Variants in LHX2 observed in about 807,000 individuals in gnomAD.
LHX2 encodes the protein LIM/homeobox protein Lhx2.
In LHX2, 6 loss-of-function variants were observed where a neutral mutation model predicts 33.0. The observed-to-expected ratio is 0.18, with a 90% CI of 0.10 to 0.36. The LOEUF (loss-of-function observed/expected upper bound fraction) is 0.36. Among genes scored for constraint, LHX2 ranks in the 10% least tolerant of loss-of-function variants. The pLI is 1.00. For synonymous variants in LHX2, 292 were observed against 253.1 expected (o/e 1.15, Z -1.46); for missense variants, 442 against 586.2 (o/e 0.75, Z 2.54).
chr9:124,021,319 G>C lies in LHX2; in HGVS notation c.933+15G>C. ...GGGTCCTCCAGGTCAGCCAGGGCCA[G>C]GGGTGAGGGCATCTGCGACCACCAG... On this transcript the variant is annotated intron_variant, in intron 4 of 4. Coordinates refer to ENST00000373615, the MANE Select transcript of LHX2 (RefSeq NM_004789.4). 6.2e-7 allele frequency: 1 copy of C among 1,610,914 alleles called. No individual in the cohort carries two copies. The highest frequency in any genetic ancestry group is 8.5e-7 in the Non-Finnish European group (1 of 1,179,350).
chr9:124,018,978 G>A (rs1225805718), intron 3 of LHX2, among the ~76,000 whole-genome samples: 1 of 152,226 alleles, frequency 6.6e-6, no homozygotes. Context: ...AGGCCCAGGC[G>A]GGGGCTCGGT....
In LHX2 at chr9:124,012,610, G is replaced by T. The variant is rs1337458782; in HGVS notation, c.120+142G>T. 1.9e-6 allele frequency: 2 copies of T among 1,054,548 alleles called. No homozygotes were observed. Among genetic ancestry groups the T allele is most frequent in the Non-Finnish European group, 2.5e-6 (2 of 795,346 alleles). The allele number at this position is 1,054,548 out of a possible 1,614,324, so 65.3% of individuals were successfully genotyped here. On this transcript the variant is annotated intron_variant, in intron 1 of 4. Transcript: ENST00000373615. This position sits in a 1 kb window ranked among gnomAD's most constrained non-coding sequence, Gnocchi z 4.3. ...GGATCCTCGGTCAGAATGCAAGGCCGGTGGCTCCCGGTTCGGGGGAAACCC... is the reference window on the plus strand; with the variant it reads ...GGATCCTCGGTCAGAATGCAAGGCCTGTGGCTCCCGGTTCGGGGGAAACCC...
chr9:124,016,182 C>A lies in LHX2; in HGVS notation c.727+657C>A, dbSNP rs1001550720. On this transcript the variant is annotated intron_variant, in intron 3 of 4. Transcript: ENST00000373615. This position sits in a 1 kb window ranked among gnomAD's most constrained non-coding sequence, Gnocchi z 4.4. ...GAGGGCCGTGACCCTCGGAAGCGAGCCCCCCGGGCGGGGACGAGACCGGAG... is the reference window on the plus strand; with the variant it reads ...GAGGGCCGTGACCCTCGGAAGCGAGACCCCCGGGCGGGGACGAGACCGGAG... 1.3e-5 allele frequency among the ~76,000 whole-genome samples: 2 copies of A among 152,076 alleles called. No homozygotes were observed. The highest frequency in any genetic ancestry group is 1.9e-4 in the East Asian group (1 of 5,182).
rs752830900 is a variant in LHX2 at position 124,032,387 on chromosome 9, C to T, written c.934-33C>T. The T allele has an allele frequency of 1.2e-5, 18 of 1,544,424 alleles. No homozygotes were observed. The East Asian group carries it at 2.7e-4, about 24-fold the overall frequency. ...TCGGGGGGATGCTCTGCCTGCCTTCCGCTCACCAGCCCTTCCCTGTCGTCC... is the reference window on the plus strand; with the variant it reads ...TCGGGGGGATGCTCTGCCTGCCTTCTGCTCACCAGCCCTTCCCTGTCGTCC... On this transcript the variant is annotated intron_variant, in intron 4 of 4. Coordinates refer to ENST00000373615, the MANE Select transcript of LHX2 (RefSeq NM_004789.4). This position sits in a 1 kb window ranked among gnomAD's most constrained non-coding sequence, Gnocchi z 4.1.
Position 124,014,286 on chromosome 9 carries a change from C to G in LHX2, c.323+123C>G. The stretch of plus-strand genomic sequence containing the variant: ...GGGTTCACTACTCAGGACTCCCCCG[C>G]TCCCCCCCCAAGTTCTCCAAGCCAC... On this transcript the variant is annotated intron_variant, in intron 2 of 4. Coordinates refer to ENST00000373615, the MANE Select transcript of LHX2 (RefSeq NM_004789.4). The surrounding 1 kb of genome is among the most constrained non-coding windows in gnomAD (Gnocchi z 4.8). 1.6e-6 allele frequency: 1 copy of G among 631,958 alleles called. No homozygotes were observed. The highest frequency in any genetic ancestry group is 2.8e-5 in the East Asian group (1 of 35,470). 39.1% of individuals were successfully genotyped at this position (631,958 alleles called of 1,614,324 possible).
At position 124,012,206 on chromosome 9, in the gene LHX2, G is replaced by A. The variant is rs1676364931; in HGVS notation, c.-143G>A. 2.5e-6 allele frequency: 2 copies of A among 814,476 alleles called. No individual in the cohort carries two copies. The highest frequency in any genetic ancestry group is 3.2e-6 in the Non-Finnish European group (2 of 632,400). 50.5% of individuals were successfully genotyped at this position (814,476 alleles called of 1,614,324 possible). On this transcript the variant is annotated 5_prime_UTR_variant, in exon 1 of 5. Coordinates refer to ENST00000373615, the MANE Select transcript of LHX2 (RefSeq NM_004789.4). The surrounding 1 kb of genome is among the most constrained non-coding windows in gnomAD (Gnocchi z 4.3). Reference sequence around the variant, plus strand: ...CGCCCGGGGCCCGGAGCCCGGCCTGGGGGCTCAGCCGAGCTCGGGCGGGGC... The same window carrying A: ...CGCCCGGGGCCCGGAGCCCGGCCTGAGGGCTCAGCCGAGCTCGGGCGGGGC...
At chr9:124,030,627 C>CTTTTTTTTTT (rs35399092) in intron 4 of LHX2, among the ~76,000 whole-genome samples, 6 of 105,596 alleles carry the variant, frequency 5.7e-5, no homozygotes, top group African/African-American at 2.0e-4. Context: ...TTTTTCTTTT[C>CTTTTTTTTTT]TTTTTTTTTT....
At chr9:124,024,210 T>A (rs1828569566) in intron 4 of LHX2, among the ~76,000 whole-genome samples, 1 of 152,268 alleles carries the variant, frequency 6.6e-6, no homozygotes, top group Non-Finnish European at 1.5e-5. Flanking sequence ...CAAATATTCC[T>A]ATTGCACATG....
intron 1 of LHX2, among the ~76,000 whole-genome samples, chr9:124,013,238 G>C (rs992447344): frequency 6.6e-6 from 1 of 152,244 alleles, no homozygotes; most frequent in Non-Finnish European, 1.5e-5. Context: ...TCTGCTCCGG[G>C]AGCAGGAGCA....
In LHX2 at chr9:124,032,518, G is replaced by C. The variant is rs1313562721; in HGVS notation, c.1032G>C (p.Gly344=). ...DKSTDAALQT[G]TPSGPASELS... ...CGACAGACGCGGCGCTGCAGACAGG[G>C]ACGCCATCGGGCCCGGCCTCGGAGC... is the stretch of plus-strand genomic sequence containing the variant. The change falls in exon 5 of 5, where the codon GGG becomes GGC. Residue 344 remains glycine, a synonymous_variant. Coordinates refer to ENST00000373615, the MANE Select transcript of LHX2 (RefSeq NM_004789.4). The surrounding 1 kb of genome is among the most constrained non-coding windows in gnomAD (Gnocchi z 4.1). 1.2e-6 allele frequency: 2 copies of C among 1,613,750 alleles called. No homozygotes were observed. Among genetic ancestry groups the C allele is most frequent in the African/African-American group, 1.3e-5 (1 of 75,016 alleles).
chr9:124,032,699 C>G lies in LHX2; in HGVS notation c.1213C>G (p.Leu405Val). The G allele has an allele frequency of 6.3e-7, 1 of 1,583,356 alleles. No homozygotes were observed. The highest frequency in any genetic ancestry group is 8.6e-7 in the Non-Finnish European group (1 of 1,158,164). Residue 405 changes from leucine (L) to valine (V), a missense_variant, in exon 5 of 5, where the codon CTT becomes GTT. Around this residue, in one of 5 missense-constraint regions of LHX2, gnomAD observed 109 missense variants for 98.7 expected, o/e 1.10. Coordinates refer to ENST00000373615, the MANE Select transcript of LHX2 (RefSeq NM_004789.4). The surrounding 1 kb of genome is among the most constrained non-coding windows in gnomAD (Gnocchi z 4.1). ...HSPSQTTLTN[L>V]F The stretch of plus-strand genomic sequence containing the variant: ...CCCCTCACAAACGACTCTTACCAAC[C>G]TTTTCTAATGACTCGCAACCCCTCA...
chr9:124,012,135 A>C lies in LHX2; in HGVS notation c.-214A>C. On this transcript the variant is annotated 5_prime_UTR_variant, in exon 1 of 5. The change abolishes an upstream ATG in the 5' untranslated region. Coordinates refer to ENST00000373615, the MANE Select transcript of LHX2 (RefSeq NM_004789.4). This position sits in a 1 kb window ranked among gnomAD's most constrained non-coding sequence, Gnocchi z 4.3. ...GGCGCCGTCGCCCAGGCGCCCCGCA[A>C]TGTAGCTGCCCCTGCGCCTCGGCGG... 8.7e-6 allele frequency: 2 copies of C among 228,696 alleles called. No individual in the cohort carries two copies. Among genetic ancestry groups the C allele is most frequent in the Non-Finnish European group, 1.6e-5 (2 of 123,716 alleles). The allele number at this position is 228,696 out of a possible 1,614,324, so 14.2% of individuals were successfully genotyped here.
chr9:124,012,270 A>C lies in LHX2; in HGVS notation c.-79A>C. ...GCGATGCACCGGGCCCGTTAGCGCC[A>C]GGAGCGCCAGGCAGCTGAGGCGGGG... On this transcript the variant is annotated 5_prime_UTR_variant, in exon 1 of 5. Coordinates refer to ENST00000373615, the MANE Select transcript of LHX2 (RefSeq NM_004789.4). The surrounding 1 kb of genome is among the most constrained non-coding windows in gnomAD (Gnocchi z 4.3). 3 of 1,334,134 alleles carry C rather than the reference A, an allele frequency of 2.2e-6. No individual in the cohort carries two copies. Among genetic ancestry groups the C allele is most frequent in the Non-Finnish European group, 1.9e-6 (2 of 1,041,120 alleles). The allele number at this position is 1,334,134 out of a possible 1,614,324, so 82.6% of individuals were successfully genotyped here.
chr9:124,018,983 C>T (rs375899692), intron 3 of LHX2, among the ~76,000 whole-genome samples: 2 of 152,336 alleles, frequency 1.3e-5, no homozygotes, highest in East Asian at 3.9e-4. Context: ...CAGGCGGGGG[C>T]TCGGTGGAGG....
intron 4 of LHX2, among the ~76,000 whole-genome samples, chr9:124,023,352 C>T (rs547287079): frequency 1.6e-4 from 24 of 152,308 alleles, no homozygotes; most frequent in Admixed American, 7.8e-4. Context: ...AGACAGTTTA[C>T]GAATTTGTGT....
chr9:124,013,894 T>G, intron 1 of LHX2, 67 bp from the exon 2 acceptor site: 8 of 1,492,940 alleles, frequency 5.4e-6, no homozygotes, highest in Non-Finnish European at 7.4e-6. Flanking sequence ...GGGTGCCGGT[T>G]TCCCGGCGGC....
chr9:124,012,547 G>A lies in LHX2; in HGVS notation c.120+79G>A. On this transcript the variant is annotated intron_variant, in intron 1 of 4. Coordinates refer to ENST00000373615, the MANE Select transcript of LHX2 (RefSeq NM_004789.4). The surrounding 1 kb of genome is among the most constrained non-coding windows in gnomAD (Gnocchi z 4.3). ...TCAGCGCCTCTGCTCCCCGAAGTTTGGGGAGCGTCCTTCGTGCCGCACGGG... is the reference window on the plus strand; with the variant it reads ...TCAGCGCCTCTGCTCCCCGAAGTTTAGGGAGCGTCCTTCGTGCCGCACGGG... 2 of 1,391,636 alleles carry A rather than the reference G, an allele frequency of 1.4e-6. No homozygotes were observed. The highest frequency in any genetic ancestry group is 9.4e-7 in the Non-Finnish European group (1 of 1,069,110). The allele number at this position is 1,391,636 out of a possible 1,614,324, so 86.2% of individuals were successfully genotyped here. A position where few individuals can be genotyped will look rare whatever the true frequency, so the allele number is the denominator to read the frequency against.
chr9:124,013,916 T>C (rs1354660295), intron 1 of LHX2, 45 bp from the exon 2 acceptor site: 5 of 1,585,118 alleles, frequency 3.2e-6, no homozygotes, highest in Non-Finnish European at 4.3e-6. Flanking sequence ...GAGGGGCCGC[T>C]GGCTGACGCA....
chr9:124,022,721 C>T (rs928627223), intron 4 of LHX2, among the ~76,000 whole-genome samples: 13 of 152,146 alleles, frequency 8.5e-5, no homozygotes, highest in Non-Finnish European at 1.5e-4. Flanking sequence ...AAAAAACAAA[C>T]AAAAAAATGC....
Sources: gnomAD v4.1 joint callset for allele counts (sites outside exome capture counted in the v4.1 genomes callset) on GRCh38, gnomAD v4.1.1 for gene constraint, gnomAD v4.1.1 regional missense constraint, Gnocchi (gnomAD v3.1) non-coding constraint, MANE v1.5 for transcripts, NCBI Gene and HGNC (gene_info 2026-07-23, HGNC 2026-07-21) for gene names.